KALRN: variants seen among roughly 807,000 people sequenced by gnomAD.
The protein encoded by KALRN is kalirin.
KALRN carries 70 observed loss-of-function variants against 353.7 expected under a neutral mutation model. The ratio of observed to expected loss-of-function variants is 0.20; its 90% CI spans 0.16 to 0.24. The LOEUF is 0.24. KALRN is among the 10% of genes least tolerant of loss of function. KALRN has a pLI of 1.00. For synonymous variants in KALRN, 1,391 were observed against 1,434.8 expected, an observed-to-expected ratio of 0.97 and a Z score of 0.69; for missense variants, 2,791 against 3,756.7, an observed-to-expected ratio of 0.74 and a Z score of 6.72.
At position 124,725,936 on chromosome 3, in the gene KALRN, T is replaced by TA. The variant is rs1300694952; in HGVS notation, c.*6467dup. The TA allele has an allele frequency of 1.3e-5, 2 of 152,196 alleles. No homozygotes were observed. Among genetic ancestry groups the TA allele is most frequent in the African/African-American group, 4.8e-5 (2 of 41,438 alleles). The allele number at this position is 152,196 out of a possible 1,614,324, so 9.4% of individuals were successfully genotyped here. ...CATCGCACATATACATATAAGTACA[T>TA]ACTTCCATCAGGCTTGTAACAATTG... is the stretch of plus-strand genomic sequence containing the variant. On this transcript the variant is annotated 3_prime_UTR_variant, in exon 60 of 60. Coordinates refer to ENST00000682506, the MANE Select transcript of KALRN (RefSeq NM_001388419.1).
intron 10 of KALRN, among the ~76,000 whole-genome samples, chr3:124,354,538 T>G (rs575136625): frequency 6.6e-6 from 1 of 152,264 alleles, no homozygotes; most frequent in Non-Finnish European, 1.5e-5. Flanking sequence ...ATCAGATATA[T>G]CAGGCTTTAC....
chr3:124,313,656 G>A (rs966023483), intron 6 of KALRN, among the ~76,000 whole-genome samples: 2 of 152,210 alleles, frequency 1.3e-5, no homozygotes, highest in African/African-American at 2.4e-5. Context: ...CTGACTGCCC[G>A]CTGGAGTCAC....
intron 6 of KALRN, among the ~76,000 whole-genome samples, chr3:124,310,163 A>C (rs9828235): frequency 0.011 from 1,741 of 152,318 alleles, 18 homozygotes; most frequent in Non-Finnish European, 0.018. Flanking sequence ...AATTCCATTT[A>C]TAATAGCATA....
At chr3:124,069,036 A>C (rs889855954) in intron 1 of KALRN, among the ~76,000 whole-genome samples, 9 of 152,216 alleles carry the variant, frequency 5.9e-5, no homozygotes, top group Non-Finnish European at 1.3e-4. Flanking sequence ...CAAGGACAAT[A>C]ATCATTAGTA....
At chr3:124,306,752 A>G (rs1335045623) in intron 6 of KALRN, among the ~76,000 whole-genome samples, 1 of 152,212 alleles carries the variant, frequency 6.6e-6, no homozygotes, top group African/African-American at 2.4e-5. Context: ...TAGCAAGAGG[A>G]AAATGACTTC....
chr3:124,694,396 G>A lies in KALRN; in HGVS notation c.7470G>A (p.Leu2490=). The part of the protein sequence containing the change: ...VTCLLGDTVI[L]QCKVCGRPKP... ...GCTTGCTTGGGGACACAGTGATACT[G>A]CAGTGCAAAGTCTGTGGGCGGCCAA... Residue 2490 remains leucine, a synonymous_variant, in exon 53 of 60, where the codon CTG becomes CTA. Coordinates refer to ENST00000682506, the MANE Select transcript of KALRN (RefSeq NM_001388419.1). 1 of 1,614,240 alleles carries A rather than the reference G, an allele frequency of 6.2e-7. No homozygotes were observed. Among genetic ancestry groups the A allele is most frequent in the Non-Finnish European group, 8.5e-7 (1 of 1,180,024 alleles).
At chr3:124,141,148 G>A (rs1006415575) in intron 1 of KALRN, among the ~76,000 whole-genome samples, 4 of 152,202 alleles carry the variant, frequency 2.6e-5, no homozygotes, top group African/African-American at 9.6e-5. Flanking sequence ...CACCTCCAAT[G>A]CCATCCCTAA....
intron 34 of KALRN, among the ~76,000 whole-genome samples, chr3:124,616,082 A>G (rs2078553500): frequency 6.6e-6 from 1 of 152,202 alleles, no homozygotes; most frequent in Admixed American, 6.5e-5. Context: ...CACTGCAAAC[A>G]AGCAGTCTTT....
chr3:124,467,207 G>A (rs887695757), intron 25 of KALRN, among the ~76,000 whole-genome samples: 1 of 152,222 alleles, frequency 6.6e-6, no homozygotes, highest in African/African-American at 2.4e-5. Flanking sequence ...GGAGCAGTGA[G>A]GGGTGAGCAG....
At chr3:124,203,910 A>G (rs904925636) in intron 1 of KALRN, among the ~76,000 whole-genome samples, 1 of 152,216 alleles carries the variant, frequency 6.6e-6, no homozygotes, top group Admixed American at 6.5e-5. Context: ...ATGCAAATTG[A>G]AAATACAATA....
rs1578902585 is a variant in KALRN, at chr3:124,678,328, C to A, written c.7317+15C>A. On this transcript the variant is annotated intron_variant, in intron 50 of 59. Coordinates refer to ENST00000682506, the MANE Select transcript of KALRN (RefSeq NM_001388419.1). Reference sequence around the variant, plus strand: ...TCTCTGTTAAAGTGAGTAAGGTATTCCGGAGCTGCGTCCCCACCTGTCATC... The same window carrying A: ...TCTCTGTTAAAGTGAGTAAGGTATTACGGAGCTGCGTCCCCACCTGTCATC... 1 of 1,612,642 alleles carries A rather than the reference C, an allele frequency of 6.2e-7. No homozygotes were observed.
At chr3:124,715,786 T>C (rs2063108631) in intron 58 of KALRN, among the ~76,000 whole-genome samples, 2 of 152,174 alleles carry the variant, frequency 1.3e-5, no homozygotes, top group South Asian at 4.1e-4. Flanking sequence ...AACAACTCAA[T>C]GTACACTAAA....
intron 1 of KALRN, among the ~76,000 whole-genome samples, chr3:124,106,778 A>C (rs2062356166): frequency 6.6e-6 from 1 of 152,166 alleles, no homozygotes; most frequent in South Asian, 2.1e-4. Flanking sequence ...AAAACTCCAA[A>C]TTGAGACCTC....
intron 1 of KALRN, among the ~76,000 whole-genome samples, chr3:124,157,523 G>T (rs2069181310): frequency 6.6e-6 from 1 of 152,214 alleles, no homozygotes; most frequent in African/African-American, 2.4e-5. Context: ...AAGTAGTTAT[G>T]TTAATAAAAC....
At position 124,497,450 on chromosome 3, in the gene KALRN, T is replaced by G. The variant is rs1458187717; in HGVS notation, c.4935+1037T>G. Among the ~76,000 whole-genome samples the G allele has an allele frequency of 7.2e-5, 11 of 152,198 alleles. 1 individual carries two copies. The highest frequency in any genetic ancestry group is 7.2e-4 in the Admixed American group (11 of 15,282). On this transcript the variant is annotated intron_variant, in intron 33 of 59. Coordinates refer to ENST00000682506, the MANE Select transcript of KALRN (RefSeq NM_001388419.1). ...TCATTAGGATTTTTCCTATTTTTTC[T>G]TGCTGGGAGAAAAAAAACCATTGAG...
intron 11 of KALRN, among the ~76,000 whole-genome samples, chr3:124,388,423 G>GA (rs1458996398): frequency 3.3e-5 from 5 of 152,046 alleles, no homozygotes; most frequent in Admixed American, 6.5e-5. Context: ...ACTGAGCTGT[G>GA]ATTCTCTCCT....
At chr3:124,653,361 A>G (rs946751589) in intron 38 of KALRN, among the ~76,000 whole-genome samples, 5 of 152,252 alleles carry the variant, frequency 3.3e-5, no homozygotes, top group African/African-American at 1.2e-4. Flanking sequence ...ATACTGGTCT[A>G]ACACCAGTAT....
chr3:124,099,012 C>T (rs975674755), intron 1 of KALRN, among the ~76,000 whole-genome samples: 7 of 152,294 alleles, frequency 4.6e-5, no homozygotes, highest in African/African-American at 7.2e-5. Flanking sequence ...TACATATTTA[C>T]GGGTACACGT....
intron 34 of KALRN, among the ~76,000 whole-genome samples, chr3:124,618,005 G>A (rs888704673): frequency 1.3e-5 from 2 of 151,480 alleles, no homozygotes; most frequent in Non-Finnish European, 2.9e-5. Context: ...AGACAGTCTG[G>A]AGCTGTTATG....
Sources: gnomAD v4.1 joint callset for allele counts (sites outside exome capture counted in the v4.1 genomes callset) on GRCh38, gnomAD v4.1.1 for gene constraint, MANE v1.5 for transcripts, NCBI Gene and HGNC (gene_info 2026-07-23, HGNC 2026-07-21) for gene names.